Variants in DNAH9 observed in about 807,000 individuals in gnomAD.
DNAH9 encodes dynein axonemal heavy chain 9.
In DNAH9, 345 loss-of-function variants were observed where a neutral mutation model predicts 471.6. The ratio of observed to expected loss-of-function variants is 0.73; its 90% confidence interval spans 0.67 to 0.80. DNAH9 has a LOEUF of 0.80. Among genes scored for constraint, DNAH9 ranks in the 30% least tolerant of loss-of-function variants. DNAH9 has a pLI of 0.00. For missense variants in DNAH9, 5,407 were observed against 5,609.2 expected (o/e 0.96, Z 1.15); for synonymous variants, 2,093 against 2,123.6 (o/e 0.99, Z 0.40).
intron 20 of DNAH9, among the ~76,000 whole-genome samples, chr17:11,691,520 A>G (rs1352002049): frequency 6.6e-6 from 1 of 152,244 alleles, no homozygotes; most frequent in East Asian, 1.9e-4. Flanking sequence ...ACAATGAAAC[A>G]GAAACAATTT....
At position 11,699,738 on chromosome 17, in the gene DNAH9, G is replaced by A. The variant is rs892535226; in HGVS notation, c.4880G>A (p.Arg1627His). The change falls in exon 23 of 69, where the codon CGT becomes CAT. Residue 1627 changes from arginine (R) to histidine (H), a missense_variant. By Grantham distance (29) the Arg-to-His change is conservative. Around this residue, in one of 3 missense-constraint regions of DNAH9, gnomAD observed 4,636 missense variants for 4,900.3 expected, o/e 0.95. Coordinates refer to ENST00000262442, the MANE Select transcript of DNAH9 (RefSeq NM_001372.4). ...SNGTAPQQVQ[R>H]HLSKLFDNMA... ...CCTGGTTTCCCTTCATAGGTTCAACGTCACCTTTCCAAACTCTTTGACAAC... is the reference window on the plus strand; with the variant it reads ...CCTGGTTTCCCTTCATAGGTTCAACATCACCTTTCCAAACTCTTTGACAAC... The A allele has an allele frequency of 1.7e-5, 28 of 1,613,946 alleles. No individual in the cohort carries two copies. The East Asian group carries it at 3.6e-4, about 21-fold the overall frequency.
At chr17:11,760,817 G>A (rs529914242) in intron 35 of DNAH9, among the ~76,000 whole-genome samples, 57 of 152,218 alleles carry the variant, frequency 3.7e-4, no homozygotes, top group African/African-American at 5.1e-4. Flanking sequence ...CGCGCCCGGC[G>A]GATGTCTTTT....
intron 59 of DNAH9, among the ~76,000 whole-genome samples, chr17:11,900,680 G>T (rs1973380929): frequency 6.6e-6 from 1 of 151,956 alleles, no homozygotes; most frequent in Non-Finnish European, 1.5e-5. Context: ...CCCAGTATCT[G>T]GCAGGTAGTA....
intron 31 of DNAH9, 42 bp from the exon 32 acceptor site, chr17:11,747,514 G>C: frequency 1.9e-6 from 3 of 1,549,118 alleles, no homozygotes; most frequent in Non-Finnish European, 1.8e-6. Context: ...ATGCAGGTGA[G>C]TCACAGGCTG....
rs754034936 is a variant in DNAH9 at position 11,934,010 on chromosome 17, A to G, written c.12428A>G (p.Glu4143Gly). Residue 4143 changes from glutamate to glycine, a missense_variant, in exon 65 of 69, where the codon GAA (glutamate) becomes GGA (glycine). By Grantham distance (98) the Glu-to-Gly change is moderately conservative. Transcript: ENST00000262442. ...ATTCGACCAGAAATGTTAGAAGGAG[A>G]ACTGTCTTTGGCCCCAGGGTTCCCA... ...EFIRPEMLEG[E>G]LSLAPGFPLP... The G allele has an allele frequency of 6.2e-7, 1 of 1,614,164 alleles. No homozygotes were observed. Among genetic ancestry groups the G allele is most frequent in the Non-Finnish European group, 8.5e-7 (1 of 1,180,028 alleles).
intron 42 of DNAH9, among the ~76,000 whole-genome samples, chr17:11,794,194 G>A (rs535531861): frequency 9.2e-5 from 14 of 151,826 alleles, no homozygotes; most frequent in East Asian, 7.8e-4. Flanking sequence ...ACAGGCACCC[G>A]CCACCACACC....
At chr17:11,740,623 CAT>C (rs766854775) in intron 29 of DNAH9, among the ~76,000 whole-genome samples, 71 of 152,270 alleles carry the variant, frequency 4.7e-4, no homozygotes, top group South Asian at 1.0e-3. Context: ...TGGAAATAAA[CAT>C]ATTTTTCAAA....
intron 61 of DNAH9, among the ~76,000 whole-genome samples, chr17:11,914,835 T>G (rs1973889217): frequency 6.6e-6 from 1 of 152,212 alleles, no homozygotes; most frequent in East Asian, 1.9e-4. Context: ...TTCATTCATC[T>G]GCTGAGCAGT....
intron 61 of DNAH9, among the ~76,000 whole-genome samples, chr17:11,919,196 A>C (rs1169094236): frequency 6.6e-6 from 1 of 151,426 alleles, no homozygotes; most frequent in Non-Finnish European, 1.5e-5. Flanking sequence ...ACTGCTGAGC[A>C]TAAGAAAAGG....
chr17:11,765,878 C>G (rs1344299000), intron 36 of DNAH9, among the ~76,000 whole-genome samples: 5 of 152,198 alleles, frequency 3.3e-5, no homozygotes, highest in Admixed American at 6.5e-5. Context: ...AAACGTCAGA[C>G]AGCGACTGCT....
At position 11,653,117 on chromosome 17, in the gene DNAH9, A is replaced by G. The variant is rs953751023; in HGVS notation, c.2595+115A>G. 10 of 1,141,436 alleles carry G rather than the reference A, an allele frequency of 8.8e-6. No individual in the cohort carries two copies. In the African/African-American group the frequency reaches 1.1e-4, roughly 12 times the overall value. 70.7% of individuals were successfully genotyped at this position (1,141,436 alleles called of 1,614,324 possible). A position where few individuals can be genotyped will look rare whatever the true frequency, so the allele number is the denominator to read the frequency against. On this transcript the variant is annotated intron_variant, in intron 14 of 68. Coordinates refer to ENST00000262442, the MANE Select transcript of DNAH9 (RefSeq NM_001372.4). The stretch of plus-strand genomic sequence containing the variant: ...AGTAAGTGCAGTGTCTTCCGAAGAC[A>G]AGGATAGAAGTTTAGGCTGATAGCA...
intron 27 of DNAH9, among the ~76,000 whole-genome samples, chr17:11,727,336 G>GT (rs2075172086): frequency 6.6e-6 from 1 of 151,910 alleles, no homozygotes; most frequent in Non-Finnish European, 1.5e-5. Flanking sequence ...TTGTTTTTTG[G>GT]TTTTGGTTTT....
chr17:11,702,240 T>C (rs2074614621), intron 24 of DNAH9, among the ~76,000 whole-genome samples: 1 of 152,230 alleles, frequency 6.6e-6, no homozygotes, highest in Admixed American at 6.5e-5. Flanking sequence ...AGCCAGTTTC[T>C]GTAGACCTTG....
At position 11,757,129 on chromosome 17, in the gene DNAH9, T is replaced by C. The variant is rs540394175; in HGVS notation, c.6848-416T>C. On this transcript the variant is annotated intron_variant, in intron 34 of 68. Transcript: ENST00000262442. ...GAGGGTTGGGGGGCAGGGGCAGATG[T>C]TGGTCAATGGGTACAAAATTTCACT... Among the ~76,000 whole-genome samples the C allele has an allele frequency of 7.9e-5, 12 of 152,170 alleles. 1 individual carries two copies. Among genetic ancestry groups the C allele is most frequent in the African/African-American group, 2.9e-4 (12 of 41,516 alleles).
intron 45 of DNAH9, among the ~76,000 whole-genome samples, chr17:11,814,346 G>A (rs1403683758): frequency 6.6e-6 from 1 of 152,170 alleles, no homozygotes; most frequent in Non-Finnish European, 1.5e-5. Flanking sequence ...GCACTAACCA[G>A]CTAAGAAAAC....
Position 11,690,263 on chromosome 17 carries a change from A to G in DNAH9, c.4441A>G (p.Asn1481Asp), listed in dbSNP as rs147315705. 60 of 1,614,174 alleles carry G rather than the reference A, an allele frequency of 3.7e-5. No homozygotes were observed. The East Asian group carries it at 1.2e-3, about 31-fold the overall frequency. The part of the protein sequence containing the change: ...VLEDNQVQLQ[N>D]LVMSKYVAFF... ...GGAGGATAATCAAGTTCAACTTCAG[A>G]ACCTGGTGATGTCCAAGTATGTTGC... The change falls in exon 20 of 69, where the codon AAC (asparagine) becomes GAC (aspartate). Residue 1481 changes from asparagine to aspartate, a missense_variant. Physicochemically the swap from Asn to Asp is conservative, Grantham distance 23. This residue lies in a region of DNAH9 where 4,636 missense variants were observed against 4,900.3 expected (regional missense o/e 0.95). Coordinates refer to ENST00000262442, the MANE Select transcript of DNAH9 (RefSeq NM_001372.4).
At chr17:11,933,827 C>G (rs532318127) in intron 64 of DNAH9, 53 bp from the exon 65 acceptor site, 18 of 1,543,326 alleles carry the variant, frequency 1.2e-5, no homozygotes, top group Middle Eastern at 1.9e-4. Flanking sequence ...CCAGCCCCGA[C>G]GCCTGTGTGG....
At position 11,754,728 on chromosome 17, in the gene DNAH9, T is replaced by C. The variant is rs181616227; in HGVS notation, c.6738+1768T>C. On this transcript the variant is annotated intron_variant, in intron 33 of 68. Transcript: ENST00000262442. ...TAAGTTCCTTATAGATGCTGGATAT[T>C]AGACCTTTGTCAGATGCATAGTTTG... Among the ~76,000 whole-genome samples the C allele has an allele frequency of 3.0e-3, 452 of 152,332 alleles. 1 individual carries two copies. Among genetic ancestry groups the C allele is most frequent in the Non-Finnish European group, 4.8e-3 (326 of 68,034 alleles).
intron 53 of DNAH9, among the ~76,000 whole-genome samples, chr17:11,877,239 G>A (rs575383950): frequency 2.0e-5 from 3 of 151,570 alleles, no homozygotes; most frequent in African/African-American, 7.2e-5. Context: ...TTGGGAGGCC[G>A]AGGCGAGCAG....
Sources: gnomAD v4.1 joint callset for allele counts (sites outside exome capture counted in the v4.1 genomes callset) on GRCh38, gnomAD v4.1.1 for gene constraint, gnomAD v4.1.1 regional missense constraint, MANE v1.5 for transcripts, NCBI Gene and HGNC (gene_info 2026-07-23, HGNC 2026-07-21) for gene names.